The following SHLD1 variants were observed in gnomAD, a reference collection of about 807,000 sequenced individuals.
The protein encoded by SHLD1 is RINN1-REV7-interacting novel NHEJ regulator 3.
Under a neutral mutation model 5.5 loss-of-function variants are expected in SHLD1, and 3 were observed. The observed-to-expected ratio is 0.54, with a 90% CI of 0.25 to 1.40. SHLD1 has a LOEUF of 1.40. SHLD1 is among the 40% of genes most tolerant of loss of function. The pLI, the probability that SHLD1 is intolerant of heterozygous loss-of-function variation, is 0.15. For missense variants in SHLD1, 210 were observed against 244.4 expected (o/e 0.86, Z 0.94); for synonymous variants, 92 against 94.3 (o/e 0.98, Z 0.14).
chr20:5,759,015 C>T (rs981935570), intron 1 of SHLD1, among the ~76,000 whole-genome samples: 4 of 141,658 alleles, frequency 2.8e-5, no homozygotes, highest in Non-Finnish European at 6.0e-5. Context: ...AGTGCAATGG[C>T]GCGATCTCTG....
At chr20:5,845,050 G>A (rs900037487) in intron 2 of SHLD1, among the ~76,000 whole-genome samples, 3 of 151,632 alleles carry the variant, frequency 2.0e-5, no homozygotes, top group East Asian at 3.9e-4. Flanking sequence ...CACCTGCCTC[G>A]GCCTCCCAAA....
chr20:5,764,140 ATATATATATATTTATATT>A (rs1984656665), intron 1 of SHLD1, among the ~76,000 whole-genome samples: 1 of 42,604 alleles, frequency 2.3e-5, no homozygotes, highest in African/African-American at 9.3e-5. Flanking sequence ...AAAAAAAAAA[ATATATATATATTTATATT>A]TATATATATA....
chr20:5,839,354 T>C (rs237094), intron 2 of SHLD1, among the ~76,000 whole-genome samples: 65,583 of 152,110 alleles, frequency 0.43, 16,664 homozygotes, highest in African/African-American at 0.7. Context: ...CCTTCTCACT[T>C]CTCTCCAGCT....
At chr20:5,760,564 G>A (rs1718971876) in intron 1 of SHLD1, among the ~76,000 whole-genome samples, 1 of 151,968 alleles carries the variant, frequency 6.6e-6, no homozygotes, top group Non-Finnish European at 1.5e-5. Flanking sequence ...ATGGTGGCTT[G>A]CACCTGTAGT....
chr20:5,845,289 T>G (rs2087920004), intron 2 of SHLD1, among the ~76,000 whole-genome samples: 1 of 152,202 alleles, frequency 6.6e-6, no homozygotes, highest in South Asian at 2.1e-4. Context: ...ATTTAATCCT[T>G]ACAAGAGCCC....
rs2122275706 is a variant in SHLD1 at position 5,782,120 on chromosome 20, T to G, written c.178+9077T>G. 2.6e-5 allele frequency among the ~76,000 whole-genome samples: 4 copies of G among 152,272 alleles called. No individual in the cohort carries two copies. The South Asian group carries it at 8.3e-4, about 32-fold the overall frequency. ...CCAGTCCACTCCAGAGATGGCTGAA[T>G]TGAATCCATTAATTAGTCCCAGGTA... On this transcript the variant is annotated intron_variant, in intron 2 of 2. Transcript: ENST00000303142.
chr20:5,856,964 TG>T (rs1202307981), intron 2 of SHLD1, among the ~76,000 whole-genome samples: 2 of 152,266 alleles, frequency 1.3e-5, no homozygotes, highest in East Asian at 3.9e-4. Context: ...TTTGTTTGTT[TG>T]TTTTTGTTTC....
intron 2 of SHLD1, among the ~76,000 whole-genome samples, chr20:5,845,857 C>T (rs2087927126): frequency 6.6e-6 from 1 of 152,170 alleles, no homozygotes; most frequent in Non-Finnish European, 1.5e-5. Context: ...AACAGGTTCT[C>T]AGCGATGTCA....
chr20:5,857,052 G>A (rs1244402063), intron 2 of SHLD1, among the ~76,000 whole-genome samples: 1 of 152,136 alleles, frequency 6.6e-6, no homozygotes, highest in Non-Finnish European at 1.5e-5. Flanking sequence ...TGCAATCTCG[G>A]CTCACTGCAA....
At chr20:5,789,844 G>A (rs1162942102) in intron 2 of SHLD1, among the ~76,000 whole-genome samples, 1 of 152,114 alleles carries the variant, frequency 6.6e-6, no homozygotes, top group African/African-American at 2.4e-5. Flanking sequence ...CAGACCCAGT[G>A]CATCCTAACC....
At chr20:5,822,181 G>A (rs1423025061) in intron 2 of SHLD1, among the ~76,000 whole-genome samples, 6 of 152,196 alleles carry the variant, frequency 3.9e-5, no homozygotes, top group Non-Finnish European at 8.8e-5. Flanking sequence ...CTCAAAGCCA[G>A]GCATGGTGGC....
intron 2 of SHLD1, among the ~76,000 whole-genome samples, chr20:5,817,912 G>A (rs1041597066): frequency 8.5e-5 from 13 of 152,082 alleles, no homozygotes; most frequent in African/African-American, 2.7e-4. Flanking sequence ...CCTTCCCTGC[G>A]CTGTGGTCTA....
intron 1 of SHLD1, among the ~76,000 whole-genome samples, chr20:5,758,948 C>A (rs1600088720): frequency 2.9e-5 from 4 of 135,774 alleles, no homozygotes; most frequent in South Asian, 2.4e-4. Flanking sequence ...TCTTTCTTGA[C>A]AAGTTTTTTT....
chr20:5,765,432 A>G (rs913419381), intron 1 of SHLD1, among the ~76,000 whole-genome samples: 1 of 151,850 alleles, frequency 6.6e-6, no homozygotes, highest in Non-Finnish European at 1.5e-5. Flanking sequence ...TATTTTTAGT[A>G]GAGACGGGGG....
At position 5,772,908 on chromosome 20, in the gene SHLD1, A is replaced by C. The variant is rs1985246162; in HGVS notation, c.43A>C (p.Ser15Arg). The part of the protein sequence containing the change: ...DATSGSLSEE[S>R]SALDLPSACD... ...CACTTCAGGCAGCCTGTCAGAGGAG[A>C]GCAGTGCTTTGGACCTGCCATCAGC... The change falls in exon 2 of 3, where the codon AGC becomes CGC. Residue 15 changes from serine (S) to arginine (R), a missense_variant. Physicochemically the swap from Ser to Arg is moderately radical, Grantham distance 110. Transcript: ENST00000303142. 1.2e-6 allele frequency: 2 copies of C among 1,613,976 alleles called. No individual in the cohort carries two copies. Among genetic ancestry groups the C allele is most frequent in the South Asian group, 2.2e-5 (2 of 91,078 alleles).
chr20:5,784,411 G>C (rs2087028190), intron 2 of SHLD1, among the ~76,000 whole-genome samples: 1 of 151,560 alleles, frequency 6.6e-6, no homozygotes, highest in South Asian at 2.1e-4. Flanking sequence ...CACTGGAGAG[G>C]ATAATAATAG....
At chr20:5,829,167 T>C (rs1040866743) in intron 2 of SHLD1, among the ~76,000 whole-genome samples, 4 of 152,202 alleles carry the variant, frequency 2.6e-5, no homozygotes, top group Admixed American at 1.3e-4. Flanking sequence ...TGAGCCATCA[T>C]GCCCAGCCAG....
At chr20:5,757,880 G>A (rs1363124793) in intron 1 of SHLD1, among the ~76,000 whole-genome samples, 1 of 152,164 alleles carries the variant, frequency 6.6e-6, no homozygotes, top group African/African-American at 2.4e-5. Flanking sequence ...TGGGATTACA[G>A]GCATGAGCCA....
At chr20:5,795,280 C>T (rs2087195645) in intron 2 of SHLD1, among the ~76,000 whole-genome samples, 1 of 151,642 alleles carries the variant, frequency 6.6e-6, no homozygotes, top group Non-Finnish European at 1.5e-5. Flanking sequence ...CACACACACA[C>T]ACGCAAAACC....
Sources: gnomAD v4.1 joint callset for allele counts (sites outside exome capture counted in the v4.1 genomes callset) on GRCh38, gnomAD v4.1.1 for gene constraint, MANE v1.5 for transcripts, NCBI Gene and HGNC (gene_info 2026-07-23, HGNC 2026-07-21) for gene names.